Variants in KIF11 observed in about 807,000 individuals in gnomAD.
KIF11 encodes the protein kinesin-like protein KIF11.
A neutral mutation model predicts 121.0 loss-of-function variants in KIF11; 9 were observed. The observed-to-expected ratio is 0.07, with a 90% CI of 0.04 to 0.13. The LOEUF (loss-of-function observed/expected upper bound fraction) is 0.13, where lower values mean the gene tolerates loss of function less well. KIF11 is among the 10% of genes least tolerant of loss of function. KIF11 has a pLI of 1.00. For synonymous variants in KIF11, 408 were observed against 421.0 expected (o/e 0.97, Z 0.38); for missense variants, 846 against 1,217.5 (o/e 0.69, Z 4.54).
intron 12 of KIF11, among the ~76,000 whole-genome samples, chr10:92,631,502 C>T (rs1844738431): frequency 6.7e-6 from 1 of 150,252 alleles, no homozygotes; most frequent in South Asian, 2.1e-4. Flanking sequence ...GCTGGGACTA[C>T]AGGCGCCCGC....
chr10:92,619,093 A>G (rs6583828), intron 9 of KIF11, among the ~76,000 whole-genome samples: 29,269 of 151,898 alleles, frequency 0.19, 4,757 homozygotes, highest in African/African-American at 0.44. Flanking sequence ...CTCAGCTCAC[A>G]GCAACCTCCG....
intron 17 of KIF11, 121 bp downstream of exon 17, chr10:92,640,021 TTTA>T: frequency 3.5e-6 from 2 of 565,426 alleles, no homozygotes; most frequent in Non-Finnish European, 6.2e-6. Flanking sequence ...TTGTTAATAT[TTTA>T]TTATGTATGT....
chr10:92,598,377 G>T (rs1844325997), intron 1 of KIF11, among the ~76,000 whole-genome samples: 1 of 152,116 alleles, frequency 6.6e-6, no homozygotes, highest in Non-Finnish European at 1.5e-5. Context: ...AATGGTCTTG[G>T]CAACCTTATT....
chr10:92,613,667 T>A lies in KIF11; in HGVS notation c.1032+48T>A, dbSNP rs368045277. ...GCAAGTGTAGTAGCTGTAATTCTTA[T>A]TTGGCTATTATATATTTTAAAAGTT... is the stretch of plus-strand genomic sequence containing the variant. On this transcript the variant is annotated intron_variant, in intron 8 of 21. Coordinates refer to ENST00000260731, the MANE Select transcript of KIF11 (RefSeq NM_004523.4). The surrounding 1 kb of genome is among the most constrained non-coding windows in gnomAD (Gnocchi z 4.2). The A allele has an allele frequency of 3.9e-5, 60 of 1,542,660 alleles. No individual in the cohort carries two copies. The African/African-American group carries it at 7.7e-4, about 20-fold the overall frequency.
chr10:92,601,169 C>T (rs1268690756), intron 1 of KIF11, among the ~76,000 whole-genome samples: 1 of 146,636 alleles, frequency 6.8e-6, no homozygotes, highest in Non-Finnish European at 1.5e-5. Context: ...TCAACCTTTT[C>T]CTTTTCAATT....
rs1015283200 is a variant in KIF11, at chr10:92,617,130, T to G, written c.1128+298T>G. Among the ~76,000 whole-genome samples the G allele has an allele frequency of 3.9e-5, 6 of 152,364 alleles. No individual in the cohort carries two copies. The East Asian group carries it at 9.6e-4, about 24-fold the overall frequency. ...TAATTTACATGCCATAACATCCACC[T>G]AATGTAAGCATACAATTCAATGATT... On this transcript the variant is annotated intron_variant, in intron 9 of 21. Transcript: ENST00000260731.
chr10:92,651,502 ATTTTGT>A (rs1844979371), intron 21 of KIF11, among the ~76,000 whole-genome samples: 1 of 21,556 alleles, frequency 4.6e-5, no homozygotes, highest in East Asian at 2.9e-3. Flanking sequence ...TGCCTGGCTA[ATTTTGT>A]TTTTTTTTTT....
intron 1 of KIF11, among the ~76,000 whole-genome samples, chr10:92,600,612 A>AT (rs1488524376): frequency 4.7e-5 from 7 of 149,684 alleles, no homozygotes; most frequent in Non-Finnish European, 7.4e-5. Flanking sequence ...GGTTCAAGCG[A>AT]TTCTCCTGCC....
intron 4 of KIF11, among the ~76,000 whole-genome samples, chr10:92,607,488 G>T (rs1374360613): frequency 6.6e-6 from 1 of 152,188 alleles, no homozygotes; most frequent in Non-Finnish European, 1.5e-5. Flanking sequence ...ATTTATGACA[G>T]AATGGTTGGA....
Position 92,624,806 on chromosome 10 carries a change from G to A in KIF11, c.1217+3333G>A, listed in dbSNP as rs551209795. On this transcript the variant is annotated intron_variant, in intron 10 of 21. Transcript: ENST00000260731. Reference sequence around the variant, plus strand: ...TTTTTTTGAGATGGAGTCTTGCTCTGTTGTCCAGGGTGGACTGCAGTGGCA... The same window carrying A: ...TTTTTTTGAGATGGAGTCTTGCTCTATTGTCCAGGGTGGACTGCAGTGGCA... Among the ~76,000 whole-genome samples, 439 of 143,426 alleles carry A rather than the reference G, an allele frequency of 3.1e-3. 6 individuals carry two copies. The highest frequency in any genetic ancestry group is 4.9e-3 in the Admixed American group (68 of 13,760). 94.1% of individuals were successfully genotyped at this position (143,426 alleles called of 152,430 possible).
At chr10:92,639,978 A>G in intron 17 of KIF11, 78 bp downstream of exon 17, 1 of 729,694 alleles carries the variant, frequency 1.4e-6, no homozygotes, top group Non-Finnish European at 2.3e-6. Context: ...AAATAGTACA[A>G]ATAATTCCTC....
At chr10:92,647,035 T>C (rs1299631717) in intron 18 of KIF11, among the ~76,000 whole-genome samples, 1 of 152,226 alleles carries the variant, frequency 6.6e-6, no homozygotes, top group Non-Finnish European at 1.5e-5. Context: ...ATTAATAGGC[T>C]AACCATACCT....
chr10:92,607,102 C>G (rs1844438842), intron 3 of KIF11, 57 bp from the exon 4 acceptor site: 1 of 1,024,534 alleles, frequency 9.8e-7, no homozygotes, highest in Non-Finnish European at 1.5e-6. Flanking sequence ...TAGTCTATCA[C>G]TAAGAGTCAT....
intron 17 of KIF11, among the ~76,000 whole-genome samples, chr10:92,643,621 A>G (rs931697829): frequency 6.8e-6 from 1 of 147,360 alleles, no homozygotes; most frequent in African/African-American, 2.6e-5. Context: ...CAGTGGTGCA[A>G]TCTTGGCTCA....
At position 92,627,258 on chromosome 10, in the gene KIF11, C is replaced by T. The variant is rs1844689918; in HGVS notation, c.1218-1550C>T. Among the ~76,000 whole-genome samples the T allele has an allele frequency of 1.2e-4, 18 of 152,110 alleles. No homozygotes were observed. In the South Asian group the frequency reaches 3.5e-3, roughly 30 times the overall value. ...GAAATAGAAAATTGTTGGTTGTTATCAAAGAATTAGATGAGCAAATACAGG... is the reference window on the plus strand; with the variant it reads ...GAAATAGAAAATTGTTGGTTGTTATTAAAGAATTAGATGAGCAAATACAGG... On this transcript the variant is annotated intron_variant, in intron 10 of 21. Transcript: ENST00000260731.
intron 16 of KIF11, among the ~76,000 whole-genome samples, chr10:92,638,190 A>T (rs1292103643): frequency 6.6e-6 from 1 of 152,242 alleles, no homozygotes; most frequent in Non-Finnish European, 1.5e-5. Context: ...AGCTTATTAT[A>T]ATATGACAGA....
chr10:92,614,306 A>G (rs1341449949), intron 8 of KIF11, among the ~76,000 whole-genome samples: 1 of 152,148 alleles, frequency 6.6e-6, no homozygotes, highest in African/African-American at 2.4e-5. Flanking sequence ...CTTGTTGGCC[A>G]GGCTGGTCTC....
At chr10:92,600,968 C>T (rs1352297220) in intron 1 of KIF11, among the ~76,000 whole-genome samples, 1 of 151,288 alleles carries the variant, frequency 6.6e-6, no homozygotes, top group Non-Finnish European at 1.5e-5. Flanking sequence ...TCAAGCAGTT[C>T]TCTGCCTCAG....
rs539942874 is a variant in KIF11 at position 92,608,477 on chromosome 10, C to T, written c.388-543C>T. 6.0e-5 allele frequency among the ~76,000 whole-genome samples: 9 copies of T among 150,722 alleles called. No individual in the cohort carries two copies. The South Asian group carries it at 1.1e-3, about 18-fold the overall frequency. ...TTTTTGAGACGGAGTCTCGCTCTGT[C>T]GCCCAGGCTGGAGTACAGTGGCTCG... On this transcript the variant is annotated intron_variant, in intron 4 of 21. Transcript: ENST00000260731.
Sources: allele counts gnomAD v4.1 joint callset (sites outside exome capture counted in the v4.1 genomes callset), GRCh38; gene constraint gnomAD v4.1.1; non-coding constraint Gnocchi (gnomAD v3.1); transcripts MANE v1.5; gene names NCBI Gene and HGNC (gene_info 2026-07-23, HGNC 2026-07-21).